The following FGD5 variants were observed in gnomAD, a reference collection of about 807,000 sequenced individuals.
FGD5 encodes FYVE, RhoGEF and PH domain containing 5.
Under a neutral mutation model 133.4 loss-of-function variants are expected in FGD5, and 28 were observed. That is an observed-to-expected ratio of 0.21 (90% CI 0.16 to 0.29). FGD5 has a LOEUF of 0.29. Among genes scored for constraint, FGD5 ranks in the 10% least tolerant of loss-of-function variants. The pLI is 1.00. For synonymous variants in FGD5, 810 were observed against 776.5 expected (o/e 1.04, Z -0.72); for missense variants, 1,858 against 1,895.2 (o/e 0.98, Z 0.36).
At position 14,857,583 on chromosome 3, in the gene FGD5, C is replaced by T. The variant is rs374832716; in HGVS notation, c.2526-6545C>T. Among the ~76,000 whole-genome samples the T allele has an allele frequency of 6.0e-4, 92 of 152,224 alleles. 1 individual carries two copies. The South Asian group carries it at 0.018, about 30-fold the overall frequency. Reference sequence around the variant, plus strand: ...ACAAAGGCACTGAGCCCTGGGCAACCGGGAGACTTCAGCAAGGAAACAGAT... The same window carrying T: ...ACAAAGGCACTGAGCCCTGGGCAACTGGGAGACTTCAGCAAGGAAACAGAT... On this transcript the variant is annotated intron_variant, in intron 1 of 19. Coordinates refer to ENST00000285046, the MANE Select transcript of FGD5 (RefSeq NM_152536.4).
chr3:14,830,704 T>C (rs1057024494), intron 1 of FGD5, among the ~76,000 whole-genome samples: 1 of 152,240 alleles, frequency 6.6e-6, no homozygotes, highest in African/African-American at 2.4e-5. Flanking sequence ...CTGGATTTCC[T>C]TGAGGTATTT....
intron 1 of FGD5, among the ~76,000 whole-genome samples, chr3:14,813,135 T>C (rs1306687720): frequency 2.0e-5 from 3 of 152,130 alleles, no homozygotes; most frequent in Admixed American, 1.3e-4. Flanking sequence ...CCAGTCGACT[T>C]TATTAGGCAT....
intron 1 of FGD5, among the ~76,000 whole-genome samples, chr3:14,822,116 A>C (rs1227832907): frequency 1.3e-5 from 2 of 148,952 alleles, no homozygotes; most frequent in Non-Finnish European, 2.9e-5. Context: ...TAAAAAAAAA[A>C]GAAAAGAAAA....
intron 1 of FGD5, among the ~76,000 whole-genome samples, chr3:14,859,309 C>G (rs1445303824): frequency 6.6e-6 from 1 of 152,136 alleles, no homozygotes; most frequent in East Asian, 1.9e-4. Context: ...GTAATCCCGG[C>G]ACTTTGGGAG....
intron 2 of FGD5, among the ~76,000 whole-genome samples, chr3:14,865,664 A>G (rs1357683942): frequency 1.3e-5 from 2 of 152,182 alleles, no homozygotes; most frequent in South Asian, 4.1e-4. Flanking sequence ...AACAACTTCA[A>G]AGTTGGCACC....
At chr3:14,866,148 C>T (rs889530149) in intron 2 of FGD5, among the ~76,000 whole-genome samples, 1 of 152,164 alleles carries the variant, frequency 6.6e-6, no homozygotes, top group African/African-American at 2.4e-5. Context: ...TTTAAACCCT[C>T]CTCTGGGACC....
At chr3:14,844,202 A>C in intron 1 of FGD5, among the ~76,000 whole-genome samples, 1 of 28,210 alleles carries the variant, frequency 3.5e-5, no homozygotes, top group East Asian at 1.3e-3. Flanking sequence ...CTTAATAGGC[A>C]TTAAAAAAAA....
intron 4 of FGD5, among the ~76,000 whole-genome samples, chr3:14,885,172 G>A (rs1376395539): frequency 6.6e-6 from 1 of 151,626 alleles, no homozygotes; most frequent in African/African-American, 2.4e-5. Flanking sequence ...CTAGGTCTGT[G>A]CAGGTTACAT....
At chr3:14,866,677 C>T (rs574398153) in intron 2 of FGD5, among the ~76,000 whole-genome samples, 1 of 152,298 alleles carries the variant, frequency 6.6e-6, no homozygotes, top group East Asian at 1.9e-4. Flanking sequence ...CAATGCATGC[C>T]ACTCAGGAAA....
intron 4 of FGD5, among the ~76,000 whole-genome samples, chr3:14,890,248 A>C (rs2038001465): frequency 6.6e-6 from 1 of 152,126 alleles, no homozygotes; most frequent in Non-Finnish European, 1.5e-5. Flanking sequence ...TCCCACGGCC[A>C]AGCCAGGTCT....
intron 4 of FGD5, among the ~76,000 whole-genome samples, chr3:14,880,980 G>GATGGGGTGCATGGGGGC (rs1450441752): frequency 6.6e-6 from 1 of 152,202 alleles, no homozygotes; most frequent in African/African-American, 2.4e-5. Flanking sequence ...CTTGCTCAGG[G>GATGGGGTGCATGGGGGC]ATGGGGTGCA....
At chr3:14,925,960 G>A in intron 17 of FGD5, 110 bp from the exon 18 acceptor site, 1 of 1,400,968 alleles carries the variant, frequency 7.1e-7, no homozygotes, top group South Asian at 1.3e-5. Flanking sequence ...CAGTGTCAAA[G>A]CAGTATAAGT....
chr3:14,888,808 G>A (rs1373115814), intron 4 of FGD5, among the ~76,000 whole-genome samples: 1 of 152,214 alleles, frequency 6.6e-6, no homozygotes, highest in African/African-American at 2.4e-5. Flanking sequence ...AGACACAGAG[G>A]CTGGAGAAGG....
chr3:14,851,905 C>T (rs1254509709), intron 1 of FGD5, among the ~76,000 whole-genome samples: 1 of 141,106 alleles, frequency 7.1e-6, no homozygotes, highest in African/African-American at 2.6e-5. Context: ...CCACTTCAAA[C>T]CCACTAGGAT....
intron 1 of FGD5, among the ~76,000 whole-genome samples, chr3:14,848,629 G>T (rs1200261427): frequency 6.6e-6 from 1 of 152,152 alleles, no homozygotes; most frequent in Admixed American, 6.5e-5. Context: ...GCTCTATGTT[G>T]ATTATACTGA....
intron 12 of FGD5, among the ~76,000 whole-genome samples, chr3:14,918,362 G>A (rs1370220441): frequency 6.6e-6 from 1 of 152,196 alleles, no homozygotes; most frequent in Non-Finnish European, 1.5e-5. Context: ...TCTTTACCAT[G>A]GGGAAGGGGA....
upstream of FGD5, among the ~76,000 whole-genome samples, chr3:14,817,928 A>C (rs2036399645): frequency 6.6e-6 from 1 of 152,198 alleles, no homozygotes; most frequent in Non-Finnish European, 1.5e-5. Context: ...GAAGCCAGGG[A>C]GGAGGCATGG....
At chr3:14,837,971 GCT>G (rs1249821337) in intron 1 of FGD5, among the ~76,000 whole-genome samples, 1 of 152,200 alleles carries the variant, frequency 6.6e-6, no homozygotes, top group African/African-American at 2.4e-5. Flanking sequence ...TCATCTCCCA[GCT>G]CTGTGGGTCA....
chr3:14,929,495 A>T (rs76125091), intron 18 of FGD5, among the ~76,000 whole-genome samples: 1 of 152,192 alleles, frequency 6.6e-6, no homozygotes, highest in Non-Finnish European at 1.5e-5. Context: ...GTTGCTCCAC[A>T]TCATTGCTAA....
Sources: allele counts gnomAD v4.1 joint callset (sites outside exome capture counted in the v4.1 genomes callset), GRCh38; gene constraint gnomAD v4.1.1; transcripts MANE v1.5; gene names NCBI Gene and HGNC (gene_info 2026-07-23, HGNC 2026-07-21).